The following LINGO2 variants were observed in gnomAD, a reference collection of about 807,000 sequenced individuals.
The protein encoded by LINGO2 is leucine rich repeat and Ig domain containing 2, also known as leucine-rich repeat and immunoglobulin-like domain-containing nogo receptor-interacting protein 2.
LINGO2 carries 14 observed loss-of-function variants against 30.6 expected under a neutral mutation model. The observed-to-expected ratio is 0.46, with a 90% CI of 0.30 to 0.72. The LOEUF (loss-of-function observed/expected upper bound fraction) is 0.72. Among genes scored for constraint, LINGO2 ranks in the 30% least tolerant of loss-of-function variants. LINGO2 has a pLI of 0.07. For synonymous variants in LINGO2, 317 were observed against 288.5 expected (o/e 1.10, Z -1.00); for missense variants, 729 against 751.7 (o/e 0.97, Z 0.35).
chr9:28,727,246 CCTGT>C, the LINGO2 span, among the ~76,000 whole-genome samples: 1 of 151,982 alleles, frequency 6.6e-6, no homozygotes, highest in Non-Finnish European at 1.5e-5. Flanking sequence ...CGTTAAAGTA[CCTGT>C]CTATGGGGAA....
the LINGO2 span, among the ~76,000 whole-genome samples, chr9:29,111,232 C>A: frequency 6.6e-6 from 1 of 152,116 alleles, no homozygotes; most frequent in Non-Finnish European, 1.5e-5. Context: ...GACACAGTCA[C>A]CAGCAGTATG....
the LINGO2 span, among the ~76,000 whole-genome samples, chr9:29,161,155 T>C: frequency 6.6e-6 from 1 of 152,116 alleles, no homozygotes; most frequent in African/African-American, 2.4e-5. Context: ...CAGCTGCAGG[T>C]GTGGGGACCA....
In LINGO2 at chr9:28,043,315, T is replaced by C. The variant is rs147159818; in HGVS notation, c.-86-30910A>G. ...AGACAGCCATTGTGTTCACTAGCTG[T>C]GTTGACTGCATGCCCTCAACACTCA... On this transcript the variant is annotated intron_variant, in intron 4 of 5. Coordinates refer to ENST00000379992, the Ensembl canonical transcript of LINGO2. Among the ~76,000 whole-genome samples, 815 of 152,348 alleles carry C rather than the reference T, an allele frequency of 5.3e-3. 5 individuals carry two copies. The highest frequency in any genetic ancestry group is 5.4e-3 in the Non-Finnish European group (369 of 68,026).
At chr9:28,647,976 G>A (rs1343798570) in intron 1 of LINGO2, among the ~76,000 whole-genome samples, 5 of 147,690 alleles carry the variant, frequency 3.4e-5, no homozygotes, top group Non-Finnish European at 4.5e-5. Context: ...AGACCAAGAT[G>A]TAGACACATG....
In LINGO2 at chr9:28,027,239, T is replaced by C. The variant is rs143358696; in HGVS notation, c.-86-14834A>G. On this transcript the variant is annotated intron_variant, in intron 4 of 5. Transcript: ENST00000379992. ...TTTACACATATCGATGTATTTATTCTTACACTAAAGCATCCCCATTTTACG... is the reference window on the plus strand; with the variant it reads ...TTTACACATATCGATGTATTTATTCCTACACTAAAGCATCCCCATTTTACG... Among the ~76,000 whole-genome samples the C allele has an allele frequency of 3.1e-3, 473 of 152,308 alleles. 3 individuals are homozygous for C. The highest frequency in any genetic ancestry group is 9.9e-3 in the African/African-American group (411 of 41,572).
At chr9:28,805,620 T>C in the LINGO2 span, among the ~76,000 whole-genome samples, 5 of 152,324 alleles carry the variant, frequency 3.3e-5, no homozygotes, top group South Asian at 2.1e-4. Flanking sequence ...AAAATACTTA[T>C]TCAGTTTTCA....
At chr9:29,115,108 C>G in the LINGO2 span, among the ~76,000 whole-genome samples, 3 of 152,004 alleles carry the variant, frequency 2.0e-5, no homozygotes, top group Admixed American at 1.3e-4. Flanking sequence ...TTCAAAGAAA[C>G]TGACAATGGA....
the LINGO2 span, among the ~76,000 whole-genome samples, chr9:28,709,434 G>C: frequency 6.6e-6 from 1 of 152,106 alleles, no homozygotes; most frequent in Non-Finnish European, 1.5e-5. Flanking sequence ...ATTTTAGAAA[G>C]ATAAATTTTC....
chr9:28,424,187 T>C (rs1197346277), intron 2 of LINGO2, among the ~76,000 whole-genome samples: 1 of 152,152 alleles, frequency 6.6e-6, no homozygotes, highest in Non-Finnish European at 1.5e-5. Context: ...TTCACCTTCA[T>C]GAAGAGGAGG....
the LINGO2 span, among the ~76,000 whole-genome samples, chr9:29,207,127 A>G: frequency 6.6e-6 from 1 of 151,610 alleles, no homozygotes; most frequent in Non-Finnish European, 1.5e-5. Flanking sequence ...CTATATACAT[A>G]GACAGAATAT....
Position 28,007,895 on chromosome 9 carries a change from G to A in LINGO2, c.-36+4460C>T, listed in dbSNP as rs529948577. ...CTTGGTTTTCTTTCCATTTTACCAC[G>A]GTGTCACTCAAACAAGCCTAATGTT... On this transcript the variant is annotated intron_variant, in intron 5 of 5. Transcript: ENST00000379992. Among the ~76,000 whole-genome samples, 17 of 152,168 alleles carry A rather than the reference G, an allele frequency of 1.1e-4. No homozygotes were observed. In the East Asian group the frequency reaches 2.5e-3, roughly 22 times the overall value.
the LINGO2 span, among the ~76,000 whole-genome samples, chr9:28,848,395 GTGTATATATATATA>G: frequency 2.8e-3 from 108 of 38,796 alleles, no homozygotes; most frequent in Non-Finnish European, 3.8e-3. Context: ...GTGTGTGTGT[GTGTATATATATATA>G]TATATATATA....
chr9:29,058,196 A>T, the LINGO2 span, among the ~76,000 whole-genome samples: 1 of 152,120 alleles, frequency 6.6e-6, no homozygotes, highest in African/African-American at 2.4e-5. Flanking sequence ...ATACCTAAAT[A>T]TGTAAAGAAA....
At chr9:28,798,790 G>GCAA in the LINGO2 span, among the ~76,000 whole-genome samples, 3 of 152,074 alleles carry the variant, frequency 2.0e-5, no homozygotes, top group Admixed American at 2.0e-4. Flanking sequence ...GCAAGCAAAA[G>GCAA]CAAGTGAATG....
At chr9:28,082,165 C>T (rs544221555) in intron 4 of LINGO2, among the ~76,000 whole-genome samples, 2 of 152,042 alleles carry the variant, frequency 1.3e-5, no homozygotes, top group Non-Finnish European at 1.5e-5. Context: ...GATTTTGAAG[C>T]CCATCAAAGG....
At chr9:28,038,148 T>C (rs1174755358) in intron 4 of LINGO2, among the ~76,000 whole-genome samples, 1 of 152,192 alleles carries the variant, frequency 6.6e-6, no homozygotes, top group African/African-American at 2.4e-5. Flanking sequence ...TCTGGAATGA[T>C]AAGAGGCATT....
chr9:28,683,820 G>A, the LINGO2 span, among the ~76,000 whole-genome samples: 2 of 152,152 alleles, frequency 1.3e-5, no homozygotes, highest in Non-Finnish European at 2.9e-5. Context: ...GACAGCATAG[G>A]AGAAACTGTG....
the LINGO2 span, among the ~76,000 whole-genome samples, chr9:28,727,148 A>C: frequency 2.0e-5 from 3 of 152,150 alleles, no homozygotes; most frequent in Non-Finnish European, 4.4e-5. Context: ...TAAAACTATA[A>C]ACTGTTAAAA....
chr9:28,263,066 A>AT (rs1370640299), intron 4 of LINGO2, among the ~76,000 whole-genome samples: 107 of 152,066 alleles, frequency 7.0e-4, no homozygotes, highest in African/African-American at 2.4e-3. Context: ...GGCTAGAGGT[A>AT]CAACCCCCTG....
Sources: gnomAD v4.1 joint callset for allele counts (sites outside exome capture counted in the v4.1 genomes callset) on GRCh38, gnomAD v4.1.1 for gene constraint, MANE v1.5 for transcripts, NCBI Gene and HGNC (gene_info 2026-07-23, HGNC 2026-07-21) for gene names.